Variants in TBCD observed in about 807,000 individuals in gnomAD.
The protein encoded by TBCD is tubulin-specific chaperone D.
A neutral mutation model predicts 169.3 loss-of-function variants in TBCD; 105 were observed. The ratio of observed to expected loss-of-function variants is 0.62; its 90% CI spans 0.53 to 0.73. The LOEUF (loss-of-function observed/expected upper bound fraction) is 0.73, where lower values mean the gene tolerates loss of function less well. Ranked by LOEUF, TBCD falls within the 30% of genes least tolerant of loss-of-function variation. TBCD has a pLI of 0.00. For synonymous variants in TBCD, 700 were observed against 643.9 expected, an observed-to-expected ratio of 1.09 and a Z score of -1.32; for missense variants, 1,444 against 1,600.1, an observed-to-expected ratio of 0.90 and a Z score of 1.66.
At chr17:82,855,235 C>CTTTTTTTTTTTTTTTTTT in intron 13 of TBCD, among the ~76,000 whole-genome samples, 1 of 53,992 alleles carries the variant, frequency 1.9e-5, no homozygotes, top group Admixed American at 3.4e-4. Flanking sequence ...AAGGTGTTTG[C>CTTTTTTTTTTTTTTTTTT]TTTTTTTTTT....
intron 9 of TBCD, among the ~76,000 whole-genome samples, chr17:82,801,565 C>A (rs1339609778): frequency 7.4e-6 from 1 of 134,858 alleles, no homozygotes; most frequent in African/African-American, 2.9e-5. Context: ...AGGAGGCTGG[C>A]GTGTGCGTCG....
intron 13 of TBCD, among the ~76,000 whole-genome samples, chr17:82,862,433 G>C (rs955826932): frequency 2.0e-5 from 3 of 151,936 alleles, no homozygotes; most frequent in Non-Finnish European, 2.9e-5. Flanking sequence ...CAGCCTGGGG[G>C]TCCTTGGCCC....
At chr17:82,869,779 C>A (rs574986309) in intron 13 of TBCD, among the ~76,000 whole-genome samples, 141 of 152,190 alleles carry the variant, frequency 9.3e-4, no homozygotes, top group Non-Finnish European at 1.2e-3. Flanking sequence ...CTTTGCGTGT[C>A]CACGACAGTA....
intron 13 of TBCD, among the ~76,000 whole-genome samples, chr17:82,855,846 G>A (rs899643497): frequency 2.0e-5 from 3 of 152,010 alleles, no homozygotes; most frequent in African/African-American, 7.3e-5. Flanking sequence ...CTGCCTCTAC[G>A]TTTACTTATT....
intron 13 of TBCD, among the ~76,000 whole-genome samples, chr17:82,856,820 GACC>G (rs2145742960): frequency 7.4e-6 from 1 of 134,642 alleles, no homozygotes; most frequent in South Asian, 2.6e-4. Flanking sequence ...GGGATCGCTG[GACC>G]GCGTGCGGAC....
chr17:82,888,692 T>TG (rs1018531429), intron 15 of TBCD, among the ~76,000 whole-genome samples: 1 of 152,130 alleles, frequency 6.6e-6, no homozygotes, highest in Non-Finnish European at 1.5e-5. Context: ...TCCTTTTCCC[T>TG]GGGGGGTGGG....
chr17:82,873,449 G>A (rs956028888), intron 14 of TBCD, among the ~76,000 whole-genome samples: 9 of 152,268 alleles, frequency 5.9e-5, no homozygotes, highest in African/African-American at 2.2e-4. Flanking sequence ...TGATCCCACT[G>A]GAGGGTGACT....
At chr17:82,875,518 G>A (rs945594505) in intron 14 of TBCD, among the ~76,000 whole-genome samples, 2 of 152,174 alleles carry the variant, frequency 1.3e-5, no homozygotes, top group African/African-American at 4.8e-5. Flanking sequence ...CATCAGCTCC[G>A]CCCAGGCAGC....
intron 13 of TBCD, among the ~76,000 whole-genome samples, chr17:82,863,399 C>G (rs2056929037): frequency 6.6e-6 from 1 of 152,196 alleles, no homozygotes; most frequent in South Asian, 2.1e-4. Flanking sequence ...TGAGGGTGGC[C>G]AGGCTCCAGC....
intron 18 of TBCD, among the ~76,000 whole-genome samples, chr17:82,902,708 C>T (rs1185654129): frequency 6.6e-6 from 1 of 152,232 alleles, no homozygotes; most frequent in Non-Finnish European, 1.5e-5. Flanking sequence ...AGGACAGACA[C>T]CCGCCTTCTG....
At position 82,880,056 on chromosome 17, in the gene TBCD, T is replaced by C. The variant is rs998003526; in HGVS notation, c.1476-4089T>C. 1.3e-5 allele frequency among the ~76,000 whole-genome samples: 2 copies of C among 152,152 alleles called. No individual in the cohort carries two copies. Among genetic ancestry groups the C allele is most frequent in the African/African-American group, 4.8e-5 (2 of 41,426 alleles). On this transcript the variant is annotated intron_variant, in intron 14 of 38. Coordinates refer to ENST00000355528, the MANE Select transcript of TBCD (RefSeq NM_005993.5). The surrounding 1 kb of genome is among the most constrained non-coding windows in gnomAD (Gnocchi z 5.0). ...TTTGCTCATGGGCTCTTCATCTACC[T>C]TCACAGCCAGCCACGTCCACGTCTC...
At chr17:82,848,879 TCC>T (rs59940822) in intron 13 of TBCD, among the ~76,000 whole-genome samples, 1 of 79,964 alleles carries the variant, frequency 1.3e-5, no homozygotes, top group Non-Finnish European at 2.4e-5. Context: ...CACCTCGATG[TCC>T]CCCTCTGCCT....
intron 21 of TBCD, among the ~76,000 whole-genome samples, chr17:82,908,726 G>A (rs955519824): frequency 6.6e-6 from 1 of 152,200 alleles, no homozygotes; most frequent in African/African-American, 2.4e-5. Flanking sequence ...CATGAACGTG[G>A]CCTCCCCACT....
intron 7 of TBCD, among the ~76,000 whole-genome samples, chr17:82,790,129 G>A (rs1598504222): frequency 6.6e-6 from 1 of 152,074 alleles, no homozygotes; most frequent in Non-Finnish European, 1.5e-5. Flanking sequence ...AGTCTGTCCC[G>A]CTCTGCCGCC....
intron 13 of TBCD, among the ~76,000 whole-genome samples, chr17:82,816,041 G>A (rs1159085956): frequency 6.6e-6 from 1 of 152,104 alleles, no homozygotes; most frequent in Non-Finnish European, 1.5e-5. Flanking sequence ...AAGGAACCCT[G>A]TGTTTAAGAA....
intron 9 of TBCD, among the ~76,000 whole-genome samples, chr17:82,801,812 G>A (rs559452448): frequency 8.4e-4 from 125 of 148,016 alleles, no homozygotes; most frequent in Middle Eastern, 7.3e-3. Flanking sequence ...CGGAGTCAGC[G>A]TGGCAGGAGG....
chr17:82,932,828 C>T (rs1052182729), intron 34 of TBCD, 93 bp downstream of exon 34: 2 of 1,306,810 alleles, frequency 1.5e-6, no homozygotes, highest in Admixed American at 1.9e-5. Flanking sequence ...ATCAGAATTC[C>T]AGGAAATGAT....
chr17:82,940,976 G>C (rs2063171498), intron 37 of TBCD, among the ~76,000 whole-genome samples: 1 of 151,952 alleles, frequency 6.6e-6, no homozygotes, highest in African/African-American at 2.4e-5. Flanking sequence ...AAAATCCTTA[G>C]AATTTAAAGA....
intron 13 of TBCD, among the ~76,000 whole-genome samples, chr17:82,857,030 G>C (rs889825316): frequency 1.3e-5 from 2 of 152,210 alleles, no homozygotes; most frequent in East Asian, 3.8e-4. Context: ...TTACTGAGGC[G>C]TCCCCAAGCT....
Sources: allele counts gnomAD v4.1 joint callset (sites outside exome capture counted in the v4.1 genomes callset), GRCh38; gene constraint gnomAD v4.1.1; non-coding constraint Gnocchi (gnomAD v3.1); transcripts MANE v1.5; gene names NCBI Gene and HGNC (gene_info 2026-07-23, HGNC 2026-07-21).